TGFBR3: variants seen among roughly 807,000 people sequenced by gnomAD.
TGFBR3 encodes transforming growth factor beta receptor 3.
In TGFBR3, 46 loss-of-function variants were observed where a neutral mutation model predicts 87.9. That is an observed-to-expected ratio of 0.52 (90% CI 0.41 to 0.67). The LOEUF (loss-of-function observed/expected upper bound fraction) is 0.67, where lower values mean the gene tolerates loss of function less well. Among genes scored for constraint, TGFBR3 ranks in the 30% least tolerant of loss-of-function variants. TGFBR3 has a pLI of 0.00. For synonymous variants in TGFBR3, 381 were observed against 391.6 expected, an observed-to-expected ratio of 0.97 and a Z score of 0.32; for missense variants, 866 against 1,041.9, an observed-to-expected ratio of 0.83 and a Z score of 2.32.
chr1:91,810,100 C>T (rs1251176290), intron 2 of TGFBR3, among the ~76,000 whole-genome samples: 1 of 152,160 alleles, frequency 6.6e-6, no homozygotes, highest in Non-Finnish European at 1.5e-5. Flanking sequence ...GCTTTGTTGC[C>T]CAGGCTGGAG....
At chr1:91,849,126 T>C (rs1362323689) in intron 2 of TGFBR3, among the ~76,000 whole-genome samples, 3 of 152,252 alleles carry the variant, frequency 2.0e-5, no homozygotes, top group South Asian at 4.1e-4. Flanking sequence ...GGAGTCCTGG[T>C]CATCATTTTC....
At chr1:91,739,254 C>T (rs938120254) in intron 4 of TGFBR3, among the ~76,000 whole-genome samples, 7 of 152,178 alleles carry the variant, frequency 4.6e-5, no homozygotes, top group Non-Finnish European at 8.8e-5. Context: ...AGTAGACTTC[C>T]GGAATAATTC....
chr1:91,798,075 A>G (rs1355397333), intron 2 of TGFBR3, among the ~76,000 whole-genome samples: 1 of 152,182 alleles, frequency 6.6e-6, no homozygotes, highest in African/African-American at 2.4e-5. Context: ...TGCTGGTCAT[A>G]CTTGGTTCCT....
intron 7 of TGFBR3, among the ~76,000 whole-genome samples, chr1:91,725,821 C>T (rs17131540): frequency 0.1 from 15,963 of 152,198 alleles, 1,365 homozygotes; most frequent in East Asian, 0.43. Flanking sequence ...TTTCACTATG[C>T]TGTCTCTAAA....
chr1:91,763,454 C>A (rs1243013732), intron 3 of TGFBR3, among the ~76,000 whole-genome samples: 1 of 152,122 alleles, frequency 6.6e-6, no homozygotes, highest in East Asian at 1.9e-4. Context: ...AAAACCAGAC[C>A]AAATAATTCT....
chr1:91,828,786 TCACTGCAGTTCCAGGACCCTCC>T (rs143171371), intron 2 of TGFBR3, among the ~76,000 whole-genome samples: 18,944 of 152,020 alleles, frequency 0.12, 1,471 homozygotes, highest in East Asian at 0.38. Flanking sequence ...TGTATTACTG[TCACTGCAGTTCCAGGACCCTCC>T]CACTGCAGGT....
chr1:91,850,652 G>T (rs1356845919), intron 2 of TGFBR3, among the ~76,000 whole-genome samples: 1 of 152,078 alleles, frequency 6.6e-6, no homozygotes, highest in Non-Finnish European at 1.5e-5. Flanking sequence ...GTGGTGCCAC[G>T]TGCCTGTAGT....
At chr1:91,709,375 A>C (rs1269171650) in intron 13 of TGFBR3, among the ~76,000 whole-genome samples, 2 of 152,248 alleles carry the variant, frequency 1.3e-5, no homozygotes, top group Non-Finnish European at 2.9e-5. Flanking sequence ...ATTTCATAAC[A>C]AAGTGTTGAA....
chr1:91,683,946 A>G lies in TGFBR3; in HGVS notation c.2438-89T>C, dbSNP rs145794843. 1.9e-5 allele frequency: 23 copies of G among 1,237,720 alleles called. 1 individual carries two copies. In the Admixed American group the frequency reaches 3.8e-4, roughly 20 times the overall value. 76.7% of individuals were successfully genotyped at this position (1,237,720 alleles called of 1,614,324 possible). A position where few individuals can be genotyped will look rare whatever the true frequency, so the allele number is the denominator to read the frequency against. ...AAAGATCATTTATTCCGCATTTGCC[A>G]TTTTAACTGATATTTTTCTCAACCA... On this transcript the variant is annotated intron_variant, in intron 16 of 16. Coordinates refer to ENST00000212355, the MANE Select transcript of TGFBR3 (RefSeq NM_003243.5).
chr1:91,770,002 C>T (rs1674318705), intron 3 of TGFBR3, among the ~76,000 whole-genome samples: 1 of 152,228 alleles, frequency 6.6e-6, no homozygotes, highest in South Asian at 2.1e-4. Flanking sequence ...TTTCAAGACA[C>T]TGAGTCTCAG....
intron 3 of TGFBR3, among the ~76,000 whole-genome samples, chr1:91,778,316 T>A (rs1255669789): frequency 1.3e-5 from 2 of 152,140 alleles, no homozygotes; most frequent in African/African-American, 4.8e-5. Context: ...AATTCTCAAT[T>A]GGTATTTTGA....
intron 1 of TGFBR3, among the ~76,000 whole-genome samples, chr1:91,884,046 G>T (rs1260756681): frequency 6.6e-6 from 1 of 152,218 alleles, no homozygotes; most frequent in Non-Finnish European, 1.5e-5. Context: ...TGTTGGCCAG[G>T]CGTGGTGGCT....
chr1:91,719,898 A>G lies in TGFBR3; in HGVS notation c.1408T>C (p.Phe470Leu). The change falls in exon 9 of 17, where the codon TTT becomes CTT. Residue 470 changes from phenylalanine (F) to leucine (L), a missense_variant. By Grantham distance (22) the Phe-to-Leu change is conservative (BLOSUM62 0). Transcript: ENST00000212355. The part of the protein sequence containing the change: ...KMIVAVEKDS[F>L]QASGYSGMDV... ...CTGTAATCAGCTGCACCGACCTGAA[A>G]AGAATCTTTTTCTACAGCCACGATC... The G allele has an allele frequency of 6.2e-7, 1 of 1,614,186 alleles. No individual in the cohort carries two copies. The highest frequency in any genetic ancestry group is 1.1e-5 in the South Asian group (1 of 91,086).
chr1:91,865,202 C>CAAAAAAAAAAAAAAA (rs67134125), intron 1 of TGFBR3, among the ~76,000 whole-genome samples: 21 of 105,246 alleles, frequency 2.0e-4, no homozygotes, highest in African/African-American at 5.3e-4. Flanking sequence ...GACTCCATCT[C>CAAAAAAAAAAAAAAA]AAAAAAAAAA....
chr1:91,834,825 C>T (rs1415955574), intron 2 of TGFBR3, among the ~76,000 whole-genome samples: 2 of 152,114 alleles, frequency 1.3e-5, no homozygotes, highest in East Asian at 1.9e-4. Context: ...ATTACAGGCG[C>T]CTGCCACCAC....
intron 2 of TGFBR3, among the ~76,000 whole-genome samples, chr1:91,839,978 T>C (rs970907304): frequency 2.6e-5 from 3 of 115,046 alleles, no homozygotes; most frequent in Admixed American, 8.4e-5. Flanking sequence ...AACCCTTCTG[T>C]CAGTCAAAAA....
chr1:91,781,958 A>G (rs1571504137), intron 3 of TGFBR3, among the ~76,000 whole-genome samples: 1 of 152,224 alleles, frequency 6.6e-6, no homozygotes, highest in Non-Finnish European at 1.5e-5. Context: ...AACACAAAAG[A>G]TTCTTTTAGA....
chr1:91,801,020 T>G, intron 2 of TGFBR3: 1 of 214,834 alleles, frequency 4.7e-6, no homozygotes, highest in Non-Finnish European at 9.7e-6. Context: ...GAGGCGGAGG[T>G]TGCAGTGAGC....
chr1:91,804,371 T>A (rs939679744), intron 2 of TGFBR3, among the ~76,000 whole-genome samples: 1 of 152,120 alleles, frequency 6.6e-6, no homozygotes, highest in Non-Finnish European at 1.5e-5. Flanking sequence ...ATCCTCTATC[T>A]CTCCGTTGGC....
Sources: allele counts gnomAD v4.1 joint callset (sites outside exome capture counted in the v4.1 genomes callset), GRCh38; gene constraint gnomAD v4.1.1; transcripts MANE v1.5; gene names NCBI Gene and HGNC (gene_info 2026-07-23, HGNC 2026-07-21).